CDCA2: variants seen among roughly 807,000 people sequenced by gnomAD.
CDCA2 encodes the protein cell division cycle associated 2.
A neutral mutation model predicts 67.0 loss-of-function variants in CDCA2; 44 were observed. The observed-to-expected ratio is 0.66, with a 90% CI of 0.52 to 0.84. CDCA2 has a LOEUF of 0.84. CDCA2 is among the 40% of genes least tolerant of loss of function. The pLI is 0.00. For missense variants in CDCA2, 1,253 were observed against 1,203.2 expected (o/e 1.04, Z -0.61); for synonymous variants, 447 against 418.7 (o/e 1.07, Z -0.82).
chr8:25,461,096 C>T (rs961343957), intron 3 of CDCA2, among the ~76,000 whole-genome samples: 3 of 151,826 alleles, frequency 2.0e-5, no homozygotes, highest in Admixed American at 1.3e-4. Flanking sequence ...AGAGAAACCT[C>T]GTCTCTACTA....
chr8:25,468,534 T>TGTGC, intron 6 of CDCA2, 121 bp downstream of exon 6: 1 of 481,682 alleles, frequency 2.1e-6, no homozygotes, highest in Non-Finnish European at 3.7e-6. Flanking sequence ...GTTCCTGGGG[T>TGTGC]GTGTGTGTGT....
rs749221232 is a variant in CDCA2 at position 25,507,069 on chromosome 8, G to T, written c.2403G>T (p.Thr801=). ...HCLGDVLIEN[T]KESKSQSEDL... ...TAGGAGATGTCTTAATTGAAAATAC[G>T]AAAGAATCTAAAAGCCAGAGTGAGG... The change falls in exon 15 of 15, where the codon ACG becomes ACT. Residue 801 remains threonine, a synonymous_variant. Coordinates refer to ENST00000330560, the MANE Select transcript of CDCA2 (RefSeq NM_152562.4). 6.2e-7 allele frequency: 1 copy of T among 1,613,962 alleles called. No homozygotes were observed. The highest frequency in any genetic ancestry group is 1.7e-5 in the Admixed American group (1 of 59,980).
At position 25,488,579 on chromosome 8, in the gene CDCA2, G is replaced by A. The variant is rs1803872499; in HGVS notation, c.1561G>A (p.Val521Ile). 1 of 1,611,802 alleles carries A rather than the reference G, an allele frequency of 6.2e-7. No homozygotes were observed. Among genetic ancestry groups the A allele is most frequent in the South Asian group, 1.1e-5 (1 of 90,610 alleles). ...ATTGGTCAGTGTTGTAGAAGAGAGT[G>A]TTTGCAACTTATTGAATACAGAAGT... The part of the protein sequence containing the change: ...NQLVSVVEES[V>I]CNLLNTEVQP... The change falls in exon 13 of 15, where the codon GTT becomes ATT. Residue 521 changes from valine (V) to isoleucine (I), a missense_variant. Val to Ile is a conservative substitution (Grantham distance 29). Transcript: ENST00000330560.
At chr8:25,491,027 A>T (rs192650329) in intron 13 of CDCA2, among the ~76,000 whole-genome samples, 4 of 152,210 alleles carry the variant, frequency 2.6e-5, no homozygotes, top group Non-Finnish European at 5.9e-5. Context: ...TTTTACATAC[A>T]TAAATACTCC....
Position 25,503,481 on chromosome 8 carries a change from C to T in CDCA2, c.1780C>T (p.Pro594Ser), listed in dbSNP as rs1804554793. Residue 594 changes from proline to serine, a missense_variant, in exon 14 of 15, where the codon CCC becomes TCC. Coordinates refer to ENST00000330560, the MANE Select transcript of CDCA2 (RefSeq NM_152562.4). ...ASKKPLLSPI[P>S]ELPEVPEMTP... is the part of the protein sequence containing the mutation. ...TAAGAAGCCCCTCCTCAGTCCTATT[C>T]CCGAGCTGCCTGAAGTCCCTGAGAT... is the stretch of plus-strand genomic sequence containing the variant. 1.9e-6 allele frequency: 3 copies of T among 1,614,020 alleles called. No individual in the cohort carries two copies. The highest frequency in any genetic ancestry group is 1.3e-5 in the African/African-American group (1 of 75,028).
At chr8:25,466,462 T>A (rs1802906889) in intron 5 of CDCA2, 137 bp downstream of exon 5, 1 of 806,564 alleles carries the variant, frequency 1.2e-6, no homozygotes, top group Non-Finnish European at 1.7e-6. Context: ...ATTAAAAATT[T>A]GGGACATTTC....
chr8:25,480,065 T>C lies in CDCA2; in HGVS notation c.973T>C (p.Phe325Leu). 6.2e-7 allele frequency: 1 copy of C among 1,614,184 alleles called. No homozygotes were observed. The highest frequency in any genetic ancestry group is 8.5e-7 in the Non-Finnish European group (1 of 1,180,026). Residue 325 changes from phenylalanine (F) to leucine (L), a missense_variant, in exon 8 of 15, where the codon TTT becomes CTT. Physicochemically the swap from Phe to Leu is conservative, Grantham distance 22. Transcript: ENST00000330560. ...CRRDLPTPKTFVLRSVLKKPS... is the reference protein window; with the variant it reads ...CRRDLPTPKTLVLRSVLKKPS... ...GAGGGACCTTCCCACCCCCAAGACC[T>C]TTGTACTTCGTTCTGTACTGAAGAA...
At chr8:25,471,275 G>A (rs930830085) in intron 7 of CDCA2, among the ~76,000 whole-genome samples, 27 of 152,068 alleles carry the variant, frequency 1.8e-4, no homozygotes, top group Non-Finnish European at 3.8e-4. Flanking sequence ...GTGGATGTCC[G>A]CCTGCATGGT....
chr8:25,483,587 T>C lies in CDCA2; in HGVS notation c.1120+101T>C, dbSNP rs1803653173. On this transcript the variant is annotated intron_variant, in intron 9 of 14. Transcript: ENST00000330560. ...TTTTCAATGATCTATAATGCCTTAG[T>C]GCTTCTGAAATAACACGTGAATGAA... The C allele has an allele frequency of 5.2e-6, 4 of 774,488 alleles. No individual in the cohort carries two copies. In the East Asian group the frequency reaches 1.1e-4, roughly 21 times the overall value. The allele number at this position is 774,488 out of a possible 1,614,324, so 48.0% of individuals were successfully genotyped here.
At chr8:25,480,709 A>G (rs568725439) in intron 8 of CDCA2, among the ~76,000 whole-genome samples, 1 of 152,294 alleles carries the variant, frequency 6.6e-6, no homozygotes, top group South Asian at 2.1e-4. Context: ...GTAGGTTGTT[A>G]AGTGAACCCA....
Position 25,507,778 on chromosome 8 carries a change from A to G in CDCA2, c.*40A>G, listed in dbSNP as rs1804746988. ...AGAGTCTGTGGCAAGAGGGAAAGTA[A>G]CCATCTATGCTGAAATGATCTGTCT... On this transcript the variant is annotated 3_prime_UTR_variant, in exon 15 of 15. Coordinates refer to ENST00000330560, the MANE Select transcript of CDCA2 (RefSeq NM_152562.4). 1 of 1,566,876 alleles carries G rather than the reference A, an allele frequency of 6.4e-7. No individual in the cohort carries two copies. The highest frequency in any genetic ancestry group is 2.2e-5 in the East Asian group (1 of 44,706).
chr8:25,478,041 C>T (rs1450220624), intron 7 of CDCA2, among the ~76,000 whole-genome samples: 4 of 151,648 alleles, frequency 2.6e-5, no homozygotes, highest in South Asian at 2.1e-4. Context: ...GTCCTCCTAC[C>T]TCAGCCTTCC....
chr8:25,479,550 C>A, intron 7 of CDCA2: 1 of 266,012 alleles, frequency 3.8e-6, no homozygotes, highest in Non-Finnish European at 7.3e-6. Flanking sequence ...TTAGTCAATG[C>A]TTGGCTCAGA....
chr8:25,503,708 C>G, intron 14 of CDCA2, 164 bp downstream of exon 14: 1 of 623,010 alleles, frequency 1.6e-6, no homozygotes, highest in East Asian at 2.9e-5. Context: ...ATGGAGGAAA[C>G]AGTCACGTGT....
At chr8:25,467,041 C>CAAAAAAAAAA (rs59618544) in intron 5 of CDCA2, among the ~76,000 whole-genome samples, 6 of 49,170 alleles carry the variant, frequency 1.2e-4, no homozygotes, top group Non-Finnish European at 1.9e-4. Context: ...GAGTCCCTTT[C>CAAAAAAAAAA]AAAAAAAAAA....
rs1804731440 is a variant in CDCA2 at position 25,507,497 on chromosome 8, C to G, written c.2831C>G (p.Ser944Cys). The stretch of plus-strand genomic sequence containing the variant: ...TCTCCCATAAAAGAAACTGTGTCCT[C>G]CAGACAAAAACCGCAGATGGCACCT... ...SMSPIKETVS[S>C]RQKPQMAPPV... The change falls in exon 15 of 15, where the codon TCC becomes TGC. Residue 944 changes from serine (S) to cysteine (C), a missense_variant. By Grantham distance (112) the Ser-to-Cys change is moderately radical. Transcript: ENST00000330560. The G allele has an allele frequency of 6.2e-7, 1 of 1,613,824 alleles. No individual in the cohort carries two copies. Among genetic ancestry groups the G allele is most frequent in the Admixed American group, 1.7e-5 (1 of 59,944 alleles).
In CDCA2 at chr8:25,506,511, T is replaced by G. The variant is rs1320053643; in HGVS notation, c.1845T>G (p.Gly615=). ...SIPSIRRLGS[G]YFSSNGKLEE... is the part of the protein sequence containing the mutation. ...TTAAACCTATTTACATGCCCATAGGTTATTTCAGTTCAAATGGCAAACTGG... is the reference window on the plus strand; with the variant it reads ...TTAAACCTATTTACATGCCCATAGGGTATTTCAGTTCAAATGGCAAACTGG... The change falls in exon 15 of 15, where the codon GGT becomes GGG. Residue 615 remains glycine, a splice_region_variant and synonymous_variant. Coordinates refer to ENST00000330560, the MANE Select transcript of CDCA2 (RefSeq NM_152562.4). 4 of 1,562,402 alleles carry G rather than the reference T, an allele frequency of 2.6e-6. No homozygotes were observed. The South Asian group carries it at 5.0e-5, about 19-fold the overall frequency.
intron 13 of CDCA2, among the ~76,000 whole-genome samples, chr8:25,496,149 T>C (rs1563280924): frequency 6.6e-6 from 1 of 151,986 alleles, no homozygotes; most frequent in African/African-American, 2.4e-5. Context: ...GGAAGGATGC[T>C]AAAAAAAACT....
chr8:25,467,041 CAAAAAAA>C (rs59618544), intron 5 of CDCA2, among the ~76,000 whole-genome samples: 9 of 49,176 alleles, frequency 1.8e-4, no homozygotes, highest in Admixed American at 3.5e-4. Context: ...GAGTCCCTTT[CAAAAAAA>C]AAAAAAAAAA....
Sources: gnomAD v4.1 joint callset for allele counts (sites outside exome capture counted in the v4.1 genomes callset) on GRCh38, gnomAD v4.1.1 for gene constraint, MANE v1.5 for transcripts, NCBI Gene and HGNC (gene_info 2026-07-23, HGNC 2026-07-21) for gene names.